Variants in GATB observed in about 807,000 individuals in gnomAD.
GATB encodes glutamyl-tRNA(Gln) amidotransferase subunit B, mitochondrial.
Under a neutral mutation model 62.3 loss-of-function variants are expected in GATB, and 39 were observed. The ratio of observed to expected loss-of-function variants is 0.63; its 90% confidence interval spans 0.48 to 0.82. The LOEUF (loss-of-function observed/expected upper bound fraction) is 0.82. Ranked by LOEUF, GATB falls within the 40% of genes least tolerant of loss-of-function variation. GATB has a pLI of 0.00. For missense variants in GATB, 670 were observed against 684.0 expected (o/e 0.98, Z 0.23); for synonymous variants, 276 against 258.9 (o/e 1.07, Z -0.63).
chr4:151,750,080 A>G (rs539337266), intron 2 of GATB, among the ~76,000 whole-genome samples: 19 of 152,214 alleles, frequency 1.2e-4, no homozygotes, highest in Non-Finnish European at 1.6e-4. Context: ...ACAGGGTTTC[A>G]CCGTGTTAGC....
Position 151,760,891 on chromosome 4 carries a change from G to A in GATB, c.92C>T (p.Pro31Leu). 1 of 1,614,062 alleles carries A rather than the reference G, an allele frequency of 6.2e-7. No homozygotes were observed. ...DGGSCHRRGA[P>L]TGSTSNQIRG... ...AATCTGGTTGGATGTGGACCCAGTC[G>A]GAGCCCCTCTTCGGTGGCAAGAACC... The change falls in exon 1 of 13, where the codon CCG becomes CTG. Residue 31 changes from proline (P) to leucine (L), a missense_variant. Transcript: ENST00000263985.
At chr4:151,735,757 T>TATATA (rs1186195836) in intron 2 of GATB, among the ~76,000 whole-genome samples, 19 of 136,372 alleles carry the variant, frequency 1.4e-4, no homozygotes, top group African/African-American at 2.7e-4. Context: ...TATATATATA[T>TATATA]GATGGAATAC....
intron 11 of GATB, among the ~76,000 whole-genome samples, chr4:151,678,094 G>C (rs115502909): frequency 0.014 from 2,137 of 151,128 alleles, 22 homozygotes; most frequent in Non-Finnish European, 0.022. Flanking sequence ...CCTAAAAACA[G>C]AAAAAAAAGG....
intron 9 of GATB, among the ~76,000 whole-genome samples, chr4:151,697,575 T>G (rs1391298659): frequency 6.6e-6 from 1 of 151,732 alleles, no homozygotes; most frequent in African/African-American, 2.4e-5. Flanking sequence ...ATGCAATATA[T>G]CTATGTATCA....
chr4:151,701,244 T>G, intron 9 of GATB, 85 bp downstream of exon 9: 1 of 1,128,296 alleles, frequency 8.9e-7, no homozygotes, highest in Non-Finnish European at 1.2e-6. Context: ...TCAGAGCCCA[T>G]GGCAGCCTGT....
chr4:151,752,694 T>C (rs1739743782), intron 2 of GATB, among the ~76,000 whole-genome samples: 1 of 152,228 alleles, frequency 6.6e-6, no homozygotes, highest in African/African-American at 2.4e-5. Flanking sequence ...ATAAAAGCTA[T>C]TAATTTTTTA....
At chr4:151,752,070 G>A (rs937787353) in intron 2 of GATB, among the ~76,000 whole-genome samples, 4 of 152,116 alleles carry the variant, frequency 2.6e-5, no homozygotes, top group Non-Finnish European at 5.9e-5. Flanking sequence ...GTTGGGTACC[G>A]AATTCTAGGT....
At chr4:151,702,585 G>C (rs750466780) in intron 8 of GATB, among the ~76,000 whole-genome samples, 4 of 152,172 alleles carry the variant, frequency 2.6e-5, no homozygotes, top group East Asian at 3.8e-4. Context: ...GGAGACTCTG[G>C]GGGGAGAGTG....
intron 2 of GATB, among the ~76,000 whole-genome samples, chr4:151,732,263 G>A (rs1739282965): frequency 6.6e-6 from 1 of 152,260 alleles, no homozygotes; most frequent in Admixed American, 6.5e-5. Context: ...GACGATGGCG[G>A]TTTTGTGGAA....
Position 151,681,688 on chromosome 4 carries a change from T to C in GATB, c.1332-1797A>G, listed in dbSNP as rs534581827. Reference sequence around the variant, plus strand: ...GGTCTGTTTGGGCTGCTCTAACAGGTTAGTACCAAAGACGACATGGCTTAT... The same window carrying C: ...GGTCTGTTTGGGCTGCTCTAACAGGCTAGTACCAAAGACGACATGGCTTAT... On this transcript the variant is annotated intron_variant, in intron 10 of 12. Transcript: ENST00000263985. Among the ~76,000 whole-genome samples the C allele has an allele frequency of 9.2e-5, 14 of 152,238 alleles. No individual in the cohort carries two copies. In the East Asian group the frequency reaches 2.7e-3, roughly 29 times the overall value.
At chr4:151,704,016 G>A in intron 7 of GATB, 121 bp from the exon 8 acceptor site, 2 of 644,564 alleles carry the variant, frequency 3.1e-6, no homozygotes, top group Middle Eastern at 2.6e-4. Context: ...GGACTTCCAT[G>A]GGGAAACCTT....
At chr4:151,724,467 C>T (rs1443166813) in intron 2 of GATB, 1 of 152,246 alleles carries the variant, frequency 6.6e-6, no homozygotes, top group East Asian at 1.9e-4. Flanking sequence ...ATCCTTTTCA[C>T]TGCTTCCCAG....
At chr4:151,679,763 A>G (rs1368756997) in intron 11 of GATB, 50 bp downstream of exon 11, 4 of 1,498,828 alleles carry the variant, frequency 2.7e-6, no homozygotes, top group Non-Finnish European at 3.7e-6. Flanking sequence ...CACAGAAAAC[A>G]TTTCTTGGGA....
chr4:151,744,510 G>A (rs142433658), intron 2 of GATB, among the ~76,000 whole-genome samples: 2 of 152,258 alleles, frequency 1.3e-5, no homozygotes, highest in South Asian at 2.1e-4. Flanking sequence ...CCCACTTTGC[G>A]AGGTGGAGGC....
At chr4:151,677,828 C>G (rs961884828) in intron 11 of GATB, 1 of 151,952 alleles carries the variant, frequency 6.6e-6, no homozygotes, top group Non-Finnish European at 1.5e-5. Context: ...CATAAAATAT[C>G]CAGATAAAAT....
At chr4:151,704,933 G>A (rs1738684225) in intron 7 of GATB, among the ~76,000 whole-genome samples, 1 of 151,394 alleles carries the variant, frequency 6.6e-6, no homozygotes, top group African/African-American at 2.4e-5. Flanking sequence ...TATTTTTTTA[G>A]TAGAGACAGG....
At chr4:151,682,560 C>T (rs1244512413) in intron 10 of GATB, among the ~76,000 whole-genome samples, 1 of 151,988 alleles carries the variant, frequency 6.6e-6, no homozygotes, top group Non-Finnish European at 1.5e-5. Flanking sequence ...GGCCGCGGTT[C>T]GACAGAGGAG....
intron 9 of GATB, among the ~76,000 whole-genome samples, chr4:151,691,169 T>C (rs1370037459): frequency 6.6e-6 from 1 of 152,188 alleles, no homozygotes; most frequent in Non-Finnish European, 1.5e-5. Context: ...TGAAGAGCAA[T>C]GCAGAAAGGC....
intron 5 of GATB, among the ~76,000 whole-genome samples, chr4:151,710,153 T>C (rs1230275037): frequency 1.3e-5 from 2 of 152,146 alleles, no homozygotes; most frequent in East Asian, 1.9e-4. Flanking sequence ...TACATGACCA[T>C]AGTCTTCTGT....
Sources: allele counts gnomAD v4.1 joint callset (sites outside exome capture counted in the v4.1 genomes callset), GRCh38; gene constraint gnomAD v4.1.1; transcripts MANE v1.5; gene names NCBI Gene and HGNC (gene_info 2026-07-23, HGNC 2026-07-21).